Variants in MACROD2 observed in about 807,000 individuals in gnomAD.
MACROD2 encodes mono-ADP ribosylhydrolase 2, also known as ADP-ribose glycohydrolase MACROD2.
Under a neutral mutation model 70.4 loss-of-function variants are expected in MACROD2, and 36 were observed. The ratio of observed to expected loss-of-function variants is 0.51; its 90% CI spans 0.39 to 0.68. The LOEUF is 0.68. Ranked by LOEUF, MACROD2 falls within the 30% of genes least tolerant of loss-of-function variation. MACROD2 has a pLI of 0.00. For synonymous variants in MACROD2, 172 were observed against 178.8 expected, an observed-to-expected ratio of 0.96 and a Z score of 0.30; for missense variants, 496 against 538.4, an observed-to-expected ratio of 0.92 and a Z score of 0.78.
At chr20:14,275,843 A>T (rs1351837112) in intron 3 of MACROD2, among the ~76,000 whole-genome samples, 2 of 152,198 alleles carry the variant, frequency 1.3e-5, no homozygotes, top group African/African-American at 4.8e-5. Flanking sequence ...TTCTCAAAAG[A>T]AGACATTTAT....
At chr20:16,021,687 C>T (rs11696334) in intron 15 of MACROD2, among the ~76,000 whole-genome samples, 40,664 of 152,018 alleles carry the variant, frequency 0.27, 6,023 homozygotes, top group South Asian at 0.36. Flanking sequence ...ATGAGGTAGG[C>T]GTGGGTTTTC....
At chr20:14,263,061 C>T (rs761812335) in intron 3 of MACROD2, among the ~76,000 whole-genome samples, 1 of 152,046 alleles carries the variant, frequency 6.6e-6, no homozygotes, top group Non-Finnish European at 1.5e-5. Flanking sequence ...AGTGAATTAT[C>T]AGTGAATTTC....
intron 4 of MACROD2, among the ~76,000 whole-genome samples, chr20:14,573,113 T>A (rs1980326758): frequency 1.3e-5 from 2 of 151,896 alleles, no homozygotes; most frequent in Admixed American, 1.3e-4. Flanking sequence ...TGTAGCCAGG[T>A]GGAATAACAT....
intron 6 of MACROD2, among the ~76,000 whole-genome samples, chr20:15,274,557 T>C (rs1376195048): frequency 6.6e-6 from 1 of 152,248 alleles, no homozygotes; most frequent in Non-Finnish European, 1.5e-5. Context: ...ACTAACGTCC[T>C]CTGGTAGGAA....
rs540711374 is a variant in MACROD2 at position 14,536,041 on chromosome 20, A to T, written c.301+42533A>T. Among the ~76,000 whole-genome samples the T allele has an allele frequency of 3.9e-5, 6 of 152,320 alleles. No individual in the cohort carries two copies. The South Asian group carries it at 1.2e-3, about 32-fold the overall frequency. ...TCATGGTTTGACAAAAAAATAAAAA[A>T]TAAAGGAGCTGGGGCATGACAGCTC... On this transcript the variant is annotated intron_variant, in intron 4 of 17. Transcript: ENST00000684519.
At chr20:15,015,516 C>A (rs1052845152) in intron 5 of MACROD2, among the ~76,000 whole-genome samples, 1 of 151,708 alleles carries the variant, frequency 6.6e-6, no homozygotes. Flanking sequence ...ACAATTTTCC[C>A]AGTAAGTACA....
chr20:15,619,385 C>G (rs1349013365), intron 8 of MACROD2: 2 of 216,982 alleles, frequency 9.2e-6, no homozygotes, highest in African/African-American at 4.7e-5. Context: ...TTGGTTAAGT[C>G]AGATCTCTTT....
chr20:15,217,330 G>C (rs1464019011), intron 5 of MACROD2, among the ~76,000 whole-genome samples: 1 of 152,098 alleles, frequency 6.6e-6, no homozygotes, highest in Non-Finnish European at 1.5e-5. Context: ...TACTCGACTT[G>C]ATGCTTTCAC....
At chr20:15,311,363 G>A (rs1229319349) in intron 6 of MACROD2, among the ~76,000 whole-genome samples, 10 of 152,132 alleles carry the variant, frequency 6.6e-5, no homozygotes, top group Non-Finnish European at 2.9e-5. Context: ...CTCTCATTTG[G>A]TAGAATTGCA....
At chr20:15,111,144 T>A (rs532846412) in intron 5 of MACROD2, among the ~76,000 whole-genome samples, 6 of 150,580 alleles carry the variant, frequency 4.0e-5, no homozygotes, top group African/African-American at 1.2e-4. Flanking sequence ...ATTTTTTACT[T>A]CCGTAGTGTT....
intron 6 of MACROD2, among the ~76,000 whole-genome samples, chr20:15,350,361 A>T (rs2058828): frequency 2.6e-5 from 4 of 152,078 alleles, no homozygotes; most frequent in East Asian, 3.9e-4. Flanking sequence ...TTTGACTTTC[A>T]ATTGTGATTT....
intron 3 of MACROD2, chr20:14,327,592 A>G: frequency 1.4e-6 from 2 of 1,398,108 alleles, no homozygotes; most frequent in Non-Finnish European, 1.9e-6. Flanking sequence ...GACAGAAAAC[A>G]ATAAGGCCAG....
chr20:15,278,657 ATG>A (rs550794424), intron 6 of MACROD2, among the ~76,000 whole-genome samples: 7 of 152,350 alleles, frequency 4.6e-5, no homozygotes, highest in African/African-American at 1.4e-4. Context: ...CATCATGATT[ATG>A]TGTTATTAAC....
rs564130429 is a variant in MACROD2, at chr20:15,729,835, T to TTTTTTTTTTTTTTTC, written c.646-132899_646-132898insTTTCTTTTTTTTTTT. 1.6e-5 allele frequency among the ~76,000 whole-genome samples: 2 copies of TTTTTTTTTTTTTTTC among 127,300 alleles called. 1 individual carries two copies. Among genetic ancestry groups the TTTTTTTTTTTTTTTC allele is most frequent in the African/African-American group, 6.0e-5 (2 of 33,368 alleles). 83.5% of individuals were successfully genotyped at this position (127,300 alleles called of 152,430 possible). On this transcript the variant is annotated intron_variant, in intron 8 of 17. Transcript: ENST00000684519. ...ACAGCATGCAGTTGGGTCATGCTTT[T>TTTTTTTTTTTTTTTC]TTTTTTTTTTTGGATGGAGTTTCAC...
chr20:15,550,887 T>A (rs902968279), intron 8 of MACROD2, among the ~76,000 whole-genome samples: 2 of 152,212 alleles, frequency 1.3e-5, no homozygotes, highest in Admixed American at 6.5e-5. Flanking sequence ...AATATCAGAA[T>A]CTTGATGTGA....
chr20:15,654,173 CA>C (rs1245893371), intron 8 of MACROD2, among the ~76,000 whole-genome samples: 3 of 152,106 alleles, frequency 2.0e-5, no homozygotes, highest in Non-Finnish European at 4.4e-5. Context: ...AAGCACATAC[CA>C]TGCAGAAGTT....
intron 5 of MACROD2, among the ~76,000 whole-genome samples, chr20:14,903,663 T>C (rs1458061425): frequency 6.6e-6 from 1 of 152,132 alleles, no homozygotes; most frequent in Non-Finnish European, 1.5e-5. Flanking sequence ...AGGATACTGT[T>C]AGATGCTGTG....
intron 3 of MACROD2, among the ~76,000 whole-genome samples, chr20:14,372,154 G>T (rs1187218507): frequency 6.6e-6 from 1 of 152,110 alleles, no homozygotes; most frequent in Non-Finnish European, 1.5e-5. Context: ...GTGCTTGTGT[G>T]TTGTATGAAC....
intron 8 of MACROD2, among the ~76,000 whole-genome samples, chr20:15,506,610 C>T (rs1736162660): frequency 6.6e-6 from 1 of 152,182 alleles, no homozygotes; most frequent in South Asian, 2.1e-4. Context: ...GTGGGGCCTG[C>T]CTTATGTCTC....
Sources: allele counts gnomAD v4.1 joint callset (sites outside exome capture counted in the v4.1 genomes callset), GRCh38; gene constraint gnomAD v4.1.1; transcripts MANE v1.5; gene names NCBI Gene and HGNC (gene_info 2026-07-23, HGNC 2026-07-21).